The following PXDNL variants were observed in gnomAD, a reference collection of about 807,000 sequenced individuals.
PXDNL encodes probable oxidoreductase PXDNL.
PXDNL carries 145 observed loss-of-function variants against 150.8 expected under a neutral mutation model. That is an observed-to-expected ratio of 0.96 (90% CI 0.84 to 1.10). The LOEUF is 1.10. Ranked by LOEUF, PXDNL falls within the 50% of genes least tolerant of loss-of-function variation. PXDNL has a pLI of 0.00. For missense variants in PXDNL, 2,087 were observed against 1,873.9 expected, an observed-to-expected ratio of 1.11 and a Z score of -2.10; for synonymous variants, 757 against 725.7, an observed-to-expected ratio of 1.04 and a Z score of -0.69.
chr8:51,638,330 G>A (rs1435097430), intron 2 of PXDNL, among the ~76,000 whole-genome samples: 1 of 152,024 alleles, frequency 6.6e-6, no homozygotes, highest in Non-Finnish European at 1.5e-5. Context: ...ATAATGACAG[G>A]ATCAAATTCA....
At chr8:51,351,970 A>G (rs1287568526) in intron 19 of PXDNL, among the ~76,000 whole-genome samples, 3 of 152,094 alleles carry the variant, frequency 2.0e-5, no homozygotes, top group Non-Finnish European at 4.4e-5. Flanking sequence ...CATGGGAGGG[A>G]CATTTCATCA....
intron 12 of PXDNL, among the ~76,000 whole-genome samples, chr8:51,441,544 A>G (rs1809548459): frequency 1.3e-5 from 2 of 152,236 alleles, no homozygotes; most frequent in South Asian, 4.1e-4. Context: ...GCAATGTGAC[A>G]TGCTATAACA....
At chr8:51,540,113 G>T (rs1015723300) in intron 4 of PXDNL, among the ~76,000 whole-genome samples, 2 of 151,986 alleles carry the variant, frequency 1.3e-5, no homozygotes, top group Non-Finnish European at 2.9e-5. Flanking sequence ...GGCCAGGCTG[G>T]TCTCGAACTC....
rs1473981657 is a variant in PXDNL, at chr8:51,411,254, G to T, written c.2058C>A (p.Gly686=). The change falls in exon 16 of 23, where the codon GGC becomes GGA. Residue 686 remains glycine, a synonymous_variant. Transcript: ENST00000356297. Reference sequence around the variant, plus strand: ...TAAAATGGCTTTGTGGCTGACCTTTGCCTTCCAAGTCCACAGTGAGCCCCT... The same window carrying T: ...TAAAATGGCTTTGTGGCTGACCTTTTCCTTCCAAGTCCACAGTGAGCCCCT... ...VKQGLTVDLE[G]KEFRYNDLVS... is the part of the protein sequence containing the mutation. 6.8e-7 allele frequency: 1 copy of T among 1,467,232 alleles called. No homozygotes were observed. 90.9% of individuals were successfully genotyped at this position (1,467,232 alleles called of 1,614,324 possible).
At chr8:51,707,752 A>G (rs1816410590) in intron 1 of PXDNL, among the ~76,000 whole-genome samples, 1 of 152,192 alleles carries the variant, frequency 6.6e-6, no homozygotes, top group East Asian at 1.9e-4. Context: ...TAGATTCTTC[A>G]TATGAATGGA....
intron 1 of PXDNL, among the ~76,000 whole-genome samples, chr8:51,734,930 G>A (rs1026513180): frequency 6.6e-6 from 1 of 152,130 alleles, no homozygotes. Flanking sequence ...GTTGATCAAA[G>A]GATATAAAAT....
intron 12 of PXDNL, among the ~76,000 whole-genome samples, chr8:51,445,845 TAGAC>T (rs1809659302): frequency 6.6e-6 from 1 of 152,208 alleles, no homozygotes; most frequent in Admixed American, 6.5e-5. Context: ...TATTTCCTCT[TAGAC>T]AGAAAGGTTT....
At chr8:51,557,119 C>A (rs887841411) in intron 3 of PXDNL, among the ~76,000 whole-genome samples, 4 of 151,986 alleles carry the variant, frequency 2.6e-5, no homozygotes, top group Admixed American at 6.6e-5. Flanking sequence ...TCAAATGGAT[C>A]CTTGGTTCAA....
At chr8:51,698,829 A>G (rs1386002814) in intron 1 of PXDNL, among the ~76,000 whole-genome samples, 1 of 152,240 alleles carries the variant, frequency 6.6e-6, no homozygotes, top group Non-Finnish European at 1.5e-5. Context: ...CAAAGCAAAT[A>G]TTGTATTAGC....
chr8:51,779,681 C>T (rs957681267), intron 1 of PXDNL, among the ~76,000 whole-genome samples: 1 of 152,188 alleles, frequency 6.6e-6, no homozygotes, highest in Non-Finnish European at 1.5e-5. Flanking sequence ...TCATGGATTC[C>T]GCTCTGACAA....
intron 3 of PXDNL, among the ~76,000 whole-genome samples, chr8:51,582,674 T>C (rs10282810): frequency 0.03 from 4,504 of 152,250 alleles, 237 homozygotes; most frequent in African/African-American, 0.1. Flanking sequence ...GAATGTAAAA[T>C]GATGTTTTTT....
chr8:51,565,472 G>T (rs995376002), intron 3 of PXDNL, among the ~76,000 whole-genome samples: 1 of 151,678 alleles, frequency 6.6e-6, no homozygotes, highest in Non-Finnish European at 1.5e-5. Context: ...TGATGCCACT[G>T]CCCTGCTTAG....
At chr8:51,718,399 G>GT (rs1398805060) in intron 1 of PXDNL, among the ~76,000 whole-genome samples, 1 of 152,108 alleles carries the variant, frequency 6.6e-6, no homozygotes, top group Non-Finnish European at 1.5e-5. Flanking sequence ...TGTACTGGAG[G>GT]TTAGGTGAAA....
At chr8:51,697,911 G>C (rs13438869) in intron 1 of PXDNL, among the ~76,000 whole-genome samples, 1 of 152,132 alleles carries the variant, frequency 6.6e-6, no homozygotes, top group African/African-American at 2.4e-5. Flanking sequence ...TGAATTTTTT[G>C]GTTTTCCTGT....
rs1237183458 is a variant in PXDNL at position 51,340,001 on chromosome 8, T to C, written c.4017-248A>G. 4 of 316,476 alleles carry C rather than the reference T, an allele frequency of 1.3e-5. No homozygotes were observed. In the Admixed American group the frequency reaches 1.9e-4, roughly 15 times the overall value. The allele number at this position is 316,476 out of a possible 1,614,324, so 19.6% of individuals were successfully genotyped here. A position where few individuals can be genotyped will look rare whatever the true frequency, so the allele number is the denominator to read the frequency against. On this transcript the variant is annotated intron_variant, in intron 20 of 22. Coordinates refer to ENST00000356297, the MANE Select transcript of PXDNL (RefSeq NM_144651.5). ...TAAAATAATAAGAAAGTATTTCTTA[T>C]GACATAAAGGAAATTTCATGTTGTA...
intron 1 of PXDNL, among the ~76,000 whole-genome samples, chr8:51,753,875 C>G (rs1048117448): frequency 6.6e-6 from 1 of 152,166 alleles, no homozygotes; most frequent in South Asian, 2.1e-4. Flanking sequence ...CAGCTTGGCT[C>G]CTTACACACA....
chr8:51,755,224 T>A (rs974537171), intron 1 of PXDNL, among the ~76,000 whole-genome samples: 5 of 152,124 alleles, frequency 3.3e-5, no homozygotes, highest in Non-Finnish European at 7.3e-5. Flanking sequence ...TTGAGAAGCA[T>A]ACCTTCATAA....
intron 17 of PXDNL, among the ~76,000 whole-genome samples, chr8:51,398,799 TG>T (rs1245286466): frequency 6.6e-6 from 1 of 151,584 alleles, no homozygotes; most frequent in East Asian, 1.9e-4. Flanking sequence ...AGGAAAGTAA[TG>T]AACCCCTGAA....
intron 1 of PXDNL, among the ~76,000 whole-genome samples, chr8:51,768,456 T>C (rs190603271): frequency 2.8e-4 from 43 of 152,216 alleles, no homozygotes; most frequent in Middle Eastern, 3.4e-3. Context: ...TAGGGGTAAA[T>C]AAATTATAGG....
Sources: gnomAD v4.1 joint callset for allele counts (sites outside exome capture counted in the v4.1 genomes callset) on GRCh38, gnomAD v4.1.1 for gene constraint, MANE v1.5 for transcripts, NCBI Gene and HGNC (gene_info 2026-07-23, HGNC 2026-07-21) for gene names.